SRPK2: variants seen among roughly 807,000 people sequenced by gnomAD.
SRPK2 encodes SRSF protein kinase 2.
SRPK2 carries 21 observed loss-of-function variants against 90.8 expected under a neutral mutation model. The observed-to-expected ratio is 0.23, with a 90% CI of 0.16 to 0.33. The LOEUF (loss-of-function observed/expected upper bound fraction) is 0.33, where lower values mean the gene tolerates loss of function less well. Among genes scored for constraint, SRPK2 ranks in the 10% least tolerant of loss-of-function variants. The pLI, the probability that SRPK2 is intolerant of heterozygous loss-of-function variation, is 1.00. For missense variants in SRPK2, 620 were observed against 869.0 expected, an observed-to-expected ratio of 0.71 and a Z score of 3.60; for synonymous variants, 288 against 311.1, an observed-to-expected ratio of 0.93 and a Z score of 0.78.
chr7:105,275,209 A>G (rs557524020), intron 2 of SRPK2, among the ~76,000 whole-genome samples: 1 of 152,276 alleles, frequency 6.6e-6, no homozygotes, highest in African/African-American at 2.4e-5. Context: ...CCTTGTGGAG[A>G]GCAGCAGGAC....
At chr7:105,183,038 T>C (rs1354794652) in intron 3 of SRPK2, among the ~76,000 whole-genome samples, 1 of 152,222 alleles carries the variant, frequency 6.6e-6, no homozygotes, top group Non-Finnish European at 1.5e-5. Context: ...AGCCAAGCTA[T>C]CACGGGATCC....
At chr7:105,281,377 T>C (rs1464034047) in intron 2 of SRPK2, among the ~76,000 whole-genome samples, 1 of 152,180 alleles carries the variant, frequency 6.6e-6, no homozygotes, top group Non-Finnish European at 1.5e-5. Context: ...ATTACAAGCA[T>C]GAGCAACCAC....
intron 7 of SRPK2, among the ~76,000 whole-genome samples, chr7:105,149,355 T>C (rs375866151): frequency 6.8e-4 from 104 of 152,330 alleles, no homozygotes; most frequent in African/African-American, 1.8e-3. Flanking sequence ...CGTCCAGTCA[T>C]AGTACCTTCC....
chr7:105,132,189 T>C (rs1584896620), intron 13 of SRPK2, among the ~76,000 whole-genome samples: 1 of 152,110 alleles, frequency 6.6e-6, no homozygotes, highest in Non-Finnish European at 1.5e-5. Flanking sequence ...TCAGAGGGAG[T>C]GGGCGTTGCT....
chr7:105,124,640 T>TAAAAAAA (rs57925635), intron 15 of SRPK2, among the ~76,000 whole-genome samples: 2 of 52,930 alleles, frequency 3.8e-5, no homozygotes, highest in African/African-American at 6.2e-5. Context: ...AAACTCCATC[T>TAAAAAAA]AAAAAAAAAA....
At chr7:105,225,082 C>T (rs1423218417) in intron 2 of SRPK2, among the ~76,000 whole-genome samples, 1 of 152,142 alleles carries the variant, frequency 6.6e-6, no homozygotes, top group African/African-American at 2.4e-5. Flanking sequence ...GTCACAGCTA[C>T]TTGGAAGGCT....
At chr7:105,306,535 G>GA in intron 2 of SRPK2, 1 of 451,648 alleles carries the variant, frequency 2.2e-6, no homozygotes, top group Non-Finnish European at 4.4e-6. Context: ...AAGCAGTGAG[G>GA]AGTCTTCTAC....
At chr7:105,170,778 A>C (rs200601610) in intron 3 of SRPK2, among the ~76,000 whole-genome samples, 7 of 78,112 alleles carry the variant, frequency 9.0e-5, no homozygotes, top group South Asian at 1.2e-3. Flanking sequence ...GAAGGAAGGA[A>C]GGACGGGAGG....
chr7:105,318,510 T>C (rs1409092459), intron 2 of SRPK2, among the ~76,000 whole-genome samples: 7 of 152,354 alleles, frequency 4.6e-5, no homozygotes, highest in African/African-American at 1.7e-4. Flanking sequence ...TTTGGGCTCC[T>C]AAATAATTTT....
At chr7:105,347,091 T>C (rs1357442283) in intron 2 of SRPK2, among the ~76,000 whole-genome samples, 2 of 151,558 alleles carry the variant, frequency 1.3e-5, no homozygotes, top group East Asian at 3.9e-4. Flanking sequence ...TAAGGTTTCA[T>C]TCTGTCACCC....
chr7:105,379,910 G>A (rs13246886), intron 2 of SRPK2, among the ~76,000 whole-genome samples: 26,835 of 151,936 alleles, frequency 0.18, 3,051 homozygotes, highest in East Asian at 0.58. Context: ...TCGGGGAAGC[G>A]GAGGTTGCAG....
chr7:105,350,598 A>G (rs1234013473), intron 2 of SRPK2, among the ~76,000 whole-genome samples: 1 of 143,718 alleles, frequency 7.0e-6, no homozygotes, highest in African/African-American at 2.6e-5. Flanking sequence ...ATCTGAGCTC[A>G]CCGCAACCTC....
At chr7:105,384,879 A>AT in intron 2 of SRPK2, among the ~76,000 whole-genome samples, 2 of 138,282 alleles carry the variant, frequency 1.4e-5, no homozygotes, top group South Asian at 4.6e-4. Context: ...CCACATAGCA[A>AT]CCTTTTTTTT....
At chr7:105,152,597 A>C (rs1304793406) in intron 7 of SRPK2, among the ~76,000 whole-genome samples, 1 of 152,228 alleles carries the variant, frequency 6.6e-6, no homozygotes, top group Non-Finnish European at 1.5e-5. Flanking sequence ...AATGGGAAAA[A>C]CAAAAACACA....
intron 2 of SRPK2, among the ~76,000 whole-genome samples, chr7:105,230,726 C>T (rs1799321643): frequency 6.6e-6 from 1 of 152,118 alleles, no homozygotes; most frequent in Non-Finnish European, 1.5e-5. Context: ...GGGCAATATG[C>T]ATGAAAAATC....
At chr7:105,395,993 G>A (rs867688491) in intron 1 of SRPK2, among the ~76,000 whole-genome samples, 4 of 151,894 alleles carry the variant, frequency 2.6e-5, no homozygotes, top group Non-Finnish European at 4.4e-5. Flanking sequence ...TCGGCTCACC[G>A]CAACCTCCGC....
chr7:105,195,022 C>T (rs1433608564), intron 3 of SRPK2, among the ~76,000 whole-genome samples: 1 of 152,172 alleles, frequency 6.6e-6, no homozygotes, highest in African/African-American at 2.4e-5. Context: ...CATTTTGGCA[C>T]TGCTCTTTTG....
intron 6 of SRPK2, among the ~76,000 whole-genome samples, chr7:105,167,016 G>C (rs1444376529): frequency 6.6e-6 from 1 of 152,192 alleles, no homozygotes; most frequent in Non-Finnish European, 1.5e-5. Context: ...GGCACACACA[G>C]ATTGTCCTTA....
intron 6 of SRPK2, among the ~76,000 whole-genome samples, chr7:105,161,530 A>T (rs963628139): frequency 2.0e-5 from 3 of 152,144 alleles, no homozygotes; most frequent in Non-Finnish European, 1.5e-5. Context: ...GTGCACTTAG[A>T]AAGTGCCAGG....
Sources: allele counts gnomAD v4.1 joint callset (sites outside exome capture counted in the v4.1 genomes callset), GRCh38; gene constraint gnomAD v4.1.1; transcripts MANE v1.5; gene names NCBI Gene and HGNC (gene_info 2026-07-23, HGNC 2026-07-21).